The following RAB3C variants were observed in gnomAD, a reference collection of about 807,000 sequenced individuals.
RAB3C encodes the protein RAB3C, member RAS oncogene family.
RAB3C carries 17 observed loss-of-function variants against 26.4 expected under a neutral mutation model. The observed-to-expected ratio is 0.64, with a 90% CI of 0.44 to 0.97. The LOEUF (loss-of-function observed/expected upper bound fraction) is 0.97, where lower values mean the gene tolerates loss of function less well. RAB3C is among the 50% of genes least tolerant of loss of function. The pLI, the probability that RAB3C is intolerant of heterozygous loss-of-function variation, is 0.00. For missense variants in RAB3C, 242 were observed against 281.9 expected (o/e 0.86, Z 1.01); for synonymous variants, 91 against 95.9 (o/e 0.95, Z 0.30).
intron 1 of RAB3C, among the ~76,000 whole-genome samples, chr5:58,613,900 C>T (rs1200982014): frequency 2.0e-5 from 3 of 151,870 alleles, no homozygotes; most frequent in South Asian, 2.1e-4. Context: ...TTATGGAGCC[C>T]GAGGGGTTCC....
rs1215386208 is a variant in RAB3C, at chr5:58,845,727, T to A, written c.497-5437T>A. ...AGGTATAATTCATATACCATAAAAT[T>A]CACCCATTTGAAGTGTACAATTCAG... On this transcript the variant is annotated intron_variant, in intron 4 of 4. Coordinates refer to ENST00000282878, the MANE Select transcript of RAB3C (RefSeq NM_138453.4). 7.9e-5 allele frequency among the ~76,000 whole-genome samples: 12 copies of A among 151,092 alleles called. 1 individual carries two copies. The East Asian group carries it at 1.6e-3, about 20-fold the overall frequency.
intron 1 of RAB3C, among the ~76,000 whole-genome samples, chr5:58,611,444 C>T (rs984995540): frequency 6.6e-6 from 1 of 152,074 alleles, no homozygotes; most frequent in Non-Finnish European, 1.5e-5. Flanking sequence ...GAAATGGTAT[C>T]TCATTGTGGT....
intron 3 of RAB3C, among the ~76,000 whole-genome samples, chr5:58,746,306 C>G (rs1295595314): frequency 6.6e-6 from 1 of 152,150 alleles, no homozygotes; most frequent in Non-Finnish European, 1.5e-5. Flanking sequence ...CATTATCAGG[C>G]AGTCTACACT....
At chr5:58,644,870 GA>G (rs1747486512) in intron 2 of RAB3C, among the ~76,000 whole-genome samples, 1 of 152,166 alleles carries the variant, frequency 6.6e-6, no homozygotes, top group Admixed American at 6.5e-5. Context: ...AGGAGGACTG[GA>G]AAAGCTAAAC....
intron 3 of RAB3C, among the ~76,000 whole-genome samples, chr5:58,796,796 G>A (rs763022824): frequency 1.8e-4 from 27 of 152,214 alleles, no homozygotes; most frequent in African/African-American, 3.6e-4. Context: ...TCTTCCCAGC[G>A]TATGAGCTGC....
At chr5:58,732,722 G>A (rs893800469) in intron 3 of RAB3C, among the ~76,000 whole-genome samples, 5 of 152,144 alleles carry the variant, frequency 3.3e-5, no homozygotes, top group Non-Finnish European at 5.9e-5. Flanking sequence ...GAGCTGGATA[G>A]GCAGTTTGAT....
chr5:58,600,146 C>T (rs574648393), intron 1 of RAB3C, among the ~76,000 whole-genome samples: 1 of 152,022 alleles, frequency 6.6e-6, no homozygotes. Context: ...AATCAGTTGG[C>T]TGTAAGTATT....
chr5:58,809,440 A>G (rs914191417), intron 3 of RAB3C, among the ~76,000 whole-genome samples: 2 of 152,014 alleles, frequency 1.3e-5, no homozygotes, highest in African/African-American at 4.8e-5. Context: ...TGTACAATAT[A>G]TGATCATTGA....
chr5:58,801,050 C>T (rs77928653), intron 3 of RAB3C, among the ~76,000 whole-genome samples: 2,980 of 152,262 alleles, frequency 0.02, 109 homozygotes, highest in African/African-American at 0.068. Flanking sequence ...CAAAAGCCCC[C>T]GCCCCAAAAG....
chr5:58,731,113 G>A (rs1741010502), intron 3 of RAB3C, among the ~76,000 whole-genome samples: 1 of 152,108 alleles, frequency 6.6e-6, no homozygotes, highest in Non-Finnish European at 1.5e-5. Context: ...AATTCAAGGT[G>A]AGATTCGGGT....
At chr5:58,695,920 C>T (rs1175441929) in intron 2 of RAB3C, among the ~76,000 whole-genome samples, 1 of 152,190 alleles carries the variant, frequency 6.6e-6, no homozygotes, top group Non-Finnish European at 1.5e-5. Flanking sequence ...TTATTTGGTT[C>T]TCTTGCCTGA....
At chr5:58,675,123 A>G in intron 2 of RAB3C, among the ~76,000 whole-genome samples, 1 of 151,906 alleles carries the variant, frequency 6.6e-6, no homozygotes, top group South Asian at 2.1e-4. Flanking sequence ...CGCAGGCAAG[A>G]TTTGCTGCAA....
At chr5:58,682,255 A>T (rs1417015383) in intron 2 of RAB3C, among the ~76,000 whole-genome samples, 1 of 152,202 alleles carries the variant, frequency 6.6e-6, no homozygotes, top group Admixed American at 6.5e-5. Flanking sequence ...TGCTTATGTG[A>T]CTGAACATGA....
At chr5:58,782,795 A>G (rs1034718959) in intron 3 of RAB3C, among the ~76,000 whole-genome samples, 9 of 152,146 alleles carry the variant, frequency 5.9e-5, no homozygotes, top group African/African-American at 1.9e-4. Context: ...GAAAGCACTT[A>G]ACAGCCTTTG....
intron 3 of RAB3C, among the ~76,000 whole-genome samples, chr5:58,772,701 A>C (rs1180135568): frequency 1.3e-5 from 2 of 152,224 alleles, no homozygotes; most frequent in Non-Finnish European, 2.9e-5. Context: ...CTAAATTTCT[A>C]ACTATTCCAG....
chr5:58,687,287 CCATGCCAGAATT>C (rs1179665444), intron 2 of RAB3C, among the ~76,000 whole-genome samples: 2 of 152,132 alleles, frequency 1.3e-5, no homozygotes, highest in Non-Finnish European at 2.9e-5. Context: ...AGAGAGGGAA[CCATGCCAGAATT>C]CATTTTAAAC....
chr5:58,638,433 C>A (rs1484313220), intron 2 of RAB3C, among the ~76,000 whole-genome samples: 3 of 151,882 alleles, frequency 2.0e-5, no homozygotes, highest in African/African-American at 7.3e-5. Flanking sequence ...TTTTGGTCAT[C>A]CTTAATTTTT....
intron 4 of RAB3C, among the ~76,000 whole-genome samples, chr5:58,834,554 A>T (rs1743692187): frequency 6.6e-6 from 1 of 152,192 alleles, no homozygotes; most frequent in Non-Finnish European, 1.5e-5. Flanking sequence ...TTTAACTCTC[A>T]ATTGAAGTAT....
intron 3 of RAB3C, among the ~76,000 whole-genome samples, chr5:58,786,026 G>A (rs1742371582): frequency 6.6e-6 from 1 of 152,198 alleles, no homozygotes; most frequent in Non-Finnish European, 1.5e-5. Flanking sequence ...ACTTGGCCCT[G>A]CTAAGGACAC....
Sources: allele counts gnomAD v4.1 joint callset (sites outside exome capture counted in the v4.1 genomes callset), GRCh38; gene constraint gnomAD v4.1.1; transcripts MANE v1.5; gene names NCBI Gene and HGNC (gene_info 2026-07-23, HGNC 2026-07-21).